UNC45A: variants seen among roughly 807,000 people sequenced by gnomAD.
UNC45A encodes the protein protein unc-45 homolog A.
A neutral mutation model predicts 103.2 loss-of-function variants in UNC45A; 78 were observed. That is an observed-to-expected ratio of 0.76 (90% CI 0.63 to 0.91). The LOEUF is 0.91. UNC45A is among the 40% of genes least tolerant of loss of function. The pLI is 0.00. For synonymous variants in UNC45A, 495 were observed against 504.6 expected, an observed-to-expected ratio of 0.98 and a Z score of 0.25; for missense variants, 1,193 against 1,224.8, an observed-to-expected ratio of 0.97 and a Z score of 0.39.
chr15:90,953,255 G>A lies in UNC45A; in HGVS notation c.2522G>A (p.Gly841Asp), dbSNP rs2037027948. The stretch of plus-strand genomic sequence containing the variant: ...CTGCTACAGCGGGCAGCTGCCGGGG[G>A]CTTGGCCATGCTTACCTCCATGCGG... ...DELLQRAAAG[G>D]LAMLTSMRPT... The change falls in exon 19 of 20, where the codon GGC (glycine) becomes GAC (aspartate). Residue 841 changes from glycine to aspartate, a missense_variant. Coordinates refer to ENST00000418476, the MANE Select transcript of UNC45A (RefSeq NM_018671.5). 6.2e-7 allele frequency: 1 copy of A among 1,613,454 alleles called. No individual in the cohort carries two copies. Among genetic ancestry groups the A allele is most frequent in the Non-Finnish European group, 8.5e-7 (1 of 1,180,004 alleles).
chr15:90,936,489 C>T (rs2036029492), intron 4 of UNC45A, 29 bp downstream of exon 4: 1 of 1,609,766 alleles, frequency 6.2e-7, no homozygotes, highest in African/African-American at 1.3e-5. Flanking sequence ...GAGGTGGAAG[C>T]ATTGACTGGT....
At chr15:90,932,087 C>T, upstream of UNC45A, 1 of 1,607,006 alleles carries the variant, frequency 6.2e-7, no homozygotes, top group Non-Finnish European at 8.5e-7. Context: ...ATTCCCGCCT[C>T]GTGGGTCAGG....
chr15:90,943,995 T>TG (rs2036429930), intron 8 of UNC45A, among the ~76,000 whole-genome samples: 1 of 147,412 alleles, frequency 6.8e-6, no homozygotes, highest in Admixed American at 6.8e-5. Flanking sequence ...TGTTTTTTTT[T>TG]TTTTTTTTTT....
rs139418696 is a variant in UNC45A at position 90,948,250 on chromosome 15, G to A, written c.1704G>A (p.Ala568=). The A allele has an allele frequency of 6.2e-6, 10 of 1,614,044 alleles. No individual in the cohort carries two copies. Among genetic ancestry groups the A allele is most frequent in the Admixed American group, 3.3e-5 (2 of 60,018 alleles). Residue 568 remains alanine (A), a synonymous_variant, in exon 12 of 20, where the codon GCG becomes GCA. Transcript: ENST00000418476. ...TGAAGGAAGAGTTTGTGGAGGATGC[G>A]GCTGCTCTGAAAGCTCTGTTCCAGC... The part of the protein sequence containing the change: ...ADVKEEFVED[A]AALKALFQLS...
intron 19 of UNC45A, 41 bp from the exon 20 acceptor site, chr15:90,953,418 C>G: frequency 6.2e-7 from 1 of 1,607,170 alleles, no homozygotes; most frequent in Non-Finnish European, 8.5e-7. Context: ...CAAGGTTGAG[C>G]CTGTTGCCCA....
At chr15:90,931,893 C>T, upstream of UNC45A, 1 of 1,614,094 alleles carries the variant, frequency 6.2e-7, no homozygotes, top group African/African-American at 1.3e-5. Context: ...TGTAGCTCCA[C>T]CTCATCCAGG....
At chr15:90,930,258 A>G (rs2035744712) in intron 1 of UNC45A, 1 of 152,232 alleles carries the variant, frequency 6.6e-6, no homozygotes, top group African/African-American at 2.4e-5. Flanking sequence ...GGCTTGAGGT[A>G]CTGGGGAACC....
upstream of UNC45A, chr15:90,934,148 A>T: frequency 2.5e-6 from 1 of 399,222 alleles, no homozygotes; most frequent in Non-Finnish European, 4.4e-6. Context: ...TCTCAGGTAC[A>T]GCACTTACCC....
intron 4 of UNC45A, among the ~76,000 whole-genome samples, chr15:90,938,330 C>G (rs981547052): frequency 6.6e-6 from 1 of 151,926 alleles, no homozygotes; most frequent in East Asian, 1.9e-4. Flanking sequence ...AGCTCAAATT[C>G]GCCAGATAAT....
At chr15:90,943,986 GT>G (rs953436599) in intron 8 of UNC45A, among the ~76,000 whole-genome samples, 4,214 of 78,176 alleles carry the variant, frequency 0.054, 63 homozygotes, top group African/African-American at 0.15. Context: ...ATTGTGCCCT[GT>G]TTTTTTTTTT....
At chr15:90,940,563 A>G in intron 6 of UNC45A, 90 bp downstream of exon 6, 1 of 1,485,798 alleles carries the variant, frequency 6.7e-7, no homozygotes, top group Non-Finnish European at 9.1e-7. Flanking sequence ...CCATCCGCCC[A>G]TCTGCCCGTC....
At chr15:90,944,848 G>T (rs1188356541) in intron 8 of UNC45A, 44 bp from the exon 9 acceptor site, 2 of 1,583,936 alleles carry the variant, frequency 1.3e-6, no homozygotes, top group Non-Finnish European at 8.6e-7. Flanking sequence ...TACTTGTAGG[G>T]GTTGGAACTA....
chr15:90,937,537 A>C (rs1427511041), intron 4 of UNC45A, among the ~76,000 whole-genome samples: 1 of 148,514 alleles, frequency 6.7e-6, no homozygotes, highest in Non-Finnish European at 1.5e-5. Flanking sequence ...CCCACACTGG[A>C]GTGCAGTGGT....
chr15:90,935,684 G>C lies in UNC45A; in HGVS notation c.192G>C (p.Arg64=). The change falls in exon 2 of 20, where the codon CGG becomes CGC. Residue 64 remains arginine, a synonymous_variant. Transcript: ENST00000418476. The stretch of plus-strand genomic sequence containing the variant: ...ACCAGGCCGTTCTGCACCGGAACCG[G>C]GCCGCCTGCCACCTCAAGCTGGTGA... ...PQDQAVLHRN[R]AACHLKLEDY... 6.4e-7 allele frequency: 1 copy of C among 1,565,836 alleles called. No homozygotes were observed.
At chr15:90,935,397 C>T (rs769934579) in intron 1 of UNC45A, 22 bp downstream of exon 1, 4 of 1,586,976 alleles carry the variant, frequency 2.5e-6, no homozygotes. Flanking sequence ...ACCCCCGCGC[C>T]ATCACCCCTT....
intron 10 of UNC45A, chr15:90,947,558 A>G: frequency 1.8e-6 from 1 of 558,500 alleles, no homozygotes; most frequent in South Asian, 2.1e-5. Context: ...GGGGCCCACG[A>G]CTGTCCAGCG....
chr15:90,949,632 C>T (rs369752668), intron 14 of UNC45A, 22 bp from the exon 15 acceptor site: 9 of 1,613,734 alleles, frequency 5.6e-6, no homozygotes, highest in African/African-American at 4.0e-5. Flanking sequence ...GCTGCCTGCC[C>T]ACCACCGCCT....
intron 17 of UNC45A, chr15:90,952,677 G>A (rs1024677108): frequency 2.9e-5 from 13 of 452,104 alleles, no homozygotes; most frequent in Admixed American, 6.9e-5. Flanking sequence ...TGCCTGCCTC[G>A]GCCTTCCAGA....
intron 16 of UNC45A, 67 bp downstream of exon 16, chr15:90,950,334 G>C: frequency 6.6e-7 from 1 of 1,523,596 alleles, no homozygotes; most frequent in Non-Finnish European, 8.9e-7. Context: ...CTGGGCTGTA[G>C]CTCCCCTTTG....
Sources: allele counts gnomAD v4.1 joint callset (sites outside exome capture counted in the v4.1 genomes callset), GRCh38; gene constraint gnomAD v4.1.1; transcripts MANE v1.5; gene names NCBI Gene and HGNC (gene_info 2026-07-23, HGNC 2026-07-21).